Variants in ZNF695 observed in about 807,000 individuals in gnomAD.
The protein encoded by ZNF695 is zinc finger protein SBZF3.
Under a neutral mutation model 11.2 loss-of-function variants are expected in ZNF695, and 11 were observed. The observed-to-expected ratio is 0.98, with a 90% confidence interval of 0.62 to 1.62. ZNF695 has a LOEUF of 1.62. ZNF695 is among the 40% of genes most tolerant of loss of function. ZNF695 has a pLI of 0.00. For synonymous variants in ZNF695, 190 were observed against 201.4 expected, an observed-to-expected ratio of 0.94 and a Z score of 0.48; for missense variants, 559 against 590.5, an observed-to-expected ratio of 0.95 and a Z score of 0.55.
chr1:246,954,161 C>T (rs922742373), intron 5 of ZNF695, among the ~76,000 whole-genome samples: 7 of 152,122 alleles, frequency 4.6e-5, no homozygotes, highest in Non-Finnish European at 8.8e-5. Flanking sequence ...TCAGTTTGTC[C>T]TCAACTGTCT....
chr1:246,972,196 T>C (rs1037702558), intron 4 of ZNF695, among the ~76,000 whole-genome samples: 1 of 152,212 alleles, frequency 6.6e-6, no homozygotes. Context: ...CACTGGCCTG[T>C]GCCTACTAAC....
chr1:246,985,514 T>C lies in ZNF695; in HGVS notation c.*1453A>G. The stretch of plus-strand genomic sequence containing the variant: ...GTTACCCACTATTGTATTGTTACCA[T>C]TTGTTACCTACAACCGTAACTAAGG... On this transcript the variant is annotated 3_prime_UTR_variant, in exon 4 of 4. Coordinates refer to ENST00000339986, the MANE Select transcript of ZNF695 (RefSeq NM_020394.5). 1 of 985,428 alleles carries C rather than the reference T, an allele frequency of 1.0e-6. No individual in the cohort carries two copies. The highest frequency in any genetic ancestry group is 1.2e-6 in the Non-Finnish European group (1 of 829,926). 61.0% of individuals were successfully genotyped at this position (985,428 alleles called of 1,614,324 possible).
At chr1:247,007,816 C>T in intron 1 of ZNF695, 90 bp downstream of exon 1, 2 of 1,423,758 alleles carry the variant, frequency 1.4e-6, no homozygotes, top group South Asian at 3.2e-5. Flanking sequence ...CGCCGGGAGG[C>T]CCGGGGCCGC....
chr1:246,972,562 C>T (rs1455554951), intron 4 of ZNF695, among the ~76,000 whole-genome samples: 1 of 152,182 alleles, frequency 6.6e-6, no homozygotes, highest in Non-Finnish European at 1.5e-5. Flanking sequence ...CATTCTGTCG[C>T]CCAGGCTGGA....
At chr1:246,965,306 G>A (rs1438829258) in intron 5 of ZNF695, among the ~76,000 whole-genome samples, 6 of 148,948 alleles carry the variant, frequency 4.0e-5, no homozygotes, top group African/African-American at 7.5e-5. Context: ...GCAGTGAGCC[G>A]AGATAGCGCC....
intron 5 of ZNF695, among the ~76,000 whole-genome samples, chr1:246,958,637 G>A (rs1209257470): frequency 9.9e-5 from 15 of 152,106 alleles, no homozygotes; most frequent in Admixed American, 7.2e-4. Flanking sequence ...GAGTCCAGGC[G>A]CCAGCCTTTG....
At chr1:246,993,963 C>T (rs1306173741) in intron 3 of ZNF695, among the ~76,000 whole-genome samples, 1 of 151,904 alleles carries the variant, frequency 6.6e-6, no homozygotes, top group Non-Finnish European at 1.5e-5. Flanking sequence ...CACTTGAGGT[C>T]GGGAGTTCAG....
chr1:247,004,541 C>T (rs932364958), intron 1 of ZNF695, among the ~76,000 whole-genome samples: 2 of 152,072 alleles, frequency 1.3e-5, no homozygotes, highest in African/African-American at 4.8e-5. Flanking sequence ...GAAAAGGATG[C>T]CAACTTTCAC....
At chr1:246,997,857 C>A (rs977065258) in intron 3 of ZNF695, among the ~76,000 whole-genome samples, 2 of 152,200 alleles carry the variant, frequency 1.3e-5, no homozygotes, top group East Asian at 1.9e-4. Context: ...AAAGGTTGGA[C>A]TCCTAGAAGC....
intron 4 of ZNF695, among the ~76,000 whole-genome samples, chr1:246,972,968 A>T (rs758300592): frequency 2.0e-5 from 3 of 149,666 alleles, no homozygotes; most frequent in Non-Finnish European, 4.4e-5. Flanking sequence ...AAATTCTTAC[A>T]TATTTCTGAA....
At chr1:246,951,378 C>T (rs147139571) in intron 5 of ZNF695, among the ~76,000 whole-genome samples, 177 of 152,226 alleles carry the variant, frequency 1.2e-3, no homozygotes, top group African/African-American at 4.0e-3. Flanking sequence ...GAGATGGCCA[C>T]GTCGAAGGTG....
Position 246,999,365 on chromosome 1 carries a change from T to A in ZNF695, c.242A>T (p.Lys81Met), listed in dbSNP as rs758579097. The A allele has an allele frequency of 6.2e-7, 1 of 1,613,968 alleles. No homozygotes were observed. The highest frequency in any genetic ancestry group is 8.5e-7 in the Non-Finnish European group (1 of 1,179,906). The change falls in exon 3 of 4, where the codon AAG (lysine) becomes ATG (methionine). Residue 81 changes from lysine to methionine, a missense_variant. Lys to Met is a moderately conservative substitution (Grantham distance 95). Transcript: ENST00000339986. Reference sequence around the variant, plus strand: ...CCACCTACCTGAGTGTCTGGCTGTCTTCTCTGTGTTCACGTTCCAGGGCTC... The same window carrying A: ...CCACCTACCTGAGTGTCTGGCTGTCATCTCTGTGTTCACGTTCCAGGGCTC... ...RKEPWNVNTE[K>M]TARHSVLSSY...
intron 3 of ZNF695, among the ~76,000 whole-genome samples, chr1:246,992,499 G>A (rs1390596402): frequency 2.0e-5 from 3 of 152,096 alleles, no homozygotes; most frequent in Non-Finnish European, 4.4e-5. Context: ...TAGCACAACA[G>A]GGTGACCATA....
intron 5 of ZNF695, among the ~76,000 whole-genome samples, chr1:246,956,169 T>C (rs1667995485): frequency 6.6e-6 from 1 of 151,324 alleles, no homozygotes; most frequent in African/African-American, 2.4e-5. Flanking sequence ...TTTGCATTTT[T>C]AGTAGAGATG....
chr1:246,987,417 A>T lies in ZNF695; in HGVS notation c.1098T>A (p.His366Gln), dbSNP rs768376562. 4 of 1,612,086 alleles carry T rather than the reference A, an allele frequency of 2.5e-6. No individual in the cohort carries two copies. Among genetic ancestry groups the T allele is most frequent in the Admixed American group, 1.7e-5 (1 of 59,746 alleles). Residue 366 changes from histidine to glutamine, a missense_variant, in exon 4 of 4, where the codon CAT (histidine) becomes CAA (glutamine). By Grantham distance (24) the His-to-Gln change is conservative. Transcript: ENST00000339986. Reference sequence around the variant, plus strand: ...TATGAATTCTCCTATGTTCAGTCAGATGTGAGCTCTGGTTAAAGGCTTTTC... The same window carrying T: ...TATGAATTCTCCTATGTTCAGTCAGTTGTGAGCTCTGGTTAAAGGCTTTTC... ...ECGKAFNQSS[H>Q]LTEHRRIHTG... is the part of the protein sequence containing the mutation.
intron 4 of ZNF695, chr1:246,967,799 G>GGA (rs1268661327): frequency 1.5e-5 from 5 of 341,500 alleles, no homozygotes; most frequent in Non-Finnish European, 2.3e-5. Context: ...ATGGCTGGCA[G>GGA]GAGAGAGAGA....
At chr1:246,990,281 A>AAAAC (rs371430713) in intron 3 of ZNF695, among the ~76,000 whole-genome samples, 2 of 152,176 alleles carry the variant, frequency 1.3e-5, no homozygotes, top group Admixed American at 6.5e-5. Context: ...AATTCCATGA[A>AAAAC]AAACAAACAA....
At chr1:246,996,124 T>C (rs1418326849) in intron 3 of ZNF695, 1 of 432,190 alleles carries the variant, frequency 2.3e-6, no homozygotes, top group Non-Finnish European at 4.6e-6. Context: ...GGCAGGTGGA[T>C]CACCTGAGGT....
rs114951910 is a variant in ZNF695, at chr1:246,961,438, T to G, written c.488+6257A>C. On this transcript the variant is annotated intron_variant, in intron 5 of 5. Transcript: ENST00000487338. ...TGTTCTTAAATCCTAAGCCCCATTA[T>G]TGCTACTCCCTGCCACCTCCATTCC... 3.6e-3 allele frequency among the ~76,000 whole-genome samples: 543 copies of G among 152,346 alleles called. 2 individuals are homozygous for G. Among genetic ancestry groups the G allele is most frequent in the Non-Finnish European group, 5.9e-3 (401 of 68,028 alleles).
Sources: allele counts gnomAD v4.1 joint callset (sites outside exome capture counted in the v4.1 genomes callset), GRCh38; gene constraint gnomAD v4.1.1; transcripts MANE v1.5; gene names NCBI Gene and HGNC (gene_info 2026-07-23, HGNC 2026-07-21).